TMPRSS11D: variants seen among roughly 807,000 people sequenced by gnomAD.
The protein encoded by TMPRSS11D is transmembrane protease serine 11D.
A neutral mutation model predicts 44.4 loss-of-function variants in TMPRSS11D; 32 were observed. The ratio of observed to expected loss-of-function variants is 0.72; its 90% CI spans 0.54 to 0.97. The LOEUF is 0.97. Ranked by LOEUF, TMPRSS11D falls within the 50% of genes least tolerant of loss-of-function variation. TMPRSS11D has a pLI of 0.00. For synonymous variants in TMPRSS11D, 179 were observed against 177.9 expected (o/e 1.01, Z -0.05); for missense variants, 446 against 502.6 (o/e 0.89, Z 1.08).
intron 5 of TMPRSS11D, among the ~76,000 whole-genome samples, chr4:67,835,858 T>C (rs1412718079): frequency 6.6e-6 from 1 of 152,022 alleles, no homozygotes; most frequent in African/African-American, 2.4e-5. Flanking sequence ...TAAGGAGAGC[T>C]AGTGCATGTG....
At chr4:67,839,220 C>A (rs1262703989) in intron 4 of TMPRSS11D, among the ~76,000 whole-genome samples, 1 of 152,118 alleles carries the variant, frequency 6.6e-6, no homozygotes, top group Admixed American at 6.6e-5. Flanking sequence ...GTGCTAGGCA[C>A]TATTCTAAGC....
chr4:67,842,436 A>G, intron 4 of TMPRSS11D, 122 bp downstream of exon 4: 1 of 918,278 alleles, frequency 1.1e-6, no homozygotes, highest in Non-Finnish European at 1.7e-6. Flanking sequence ...TGACTAAAAT[A>G]CTATTTTCAT....
chr4:67,849,626 A>C (rs1166842818), intron 3 of TMPRSS11D, among the ~76,000 whole-genome samples: 1 of 152,222 alleles, frequency 6.6e-6, no homozygotes, highest in African/African-American at 2.4e-5. Context: ...TTGTGTAAGA[A>C]TGTACTATAG....
chr4:67,863,642 G>A (rs1342943623), intron 1 of TMPRSS11D, among the ~76,000 whole-genome samples: 1 of 152,092 alleles, frequency 6.6e-6, no homozygotes, highest in Non-Finnish European at 1.5e-5. Flanking sequence ...CTAGACTAGA[G>A]CTAGGAGATG....
chr4:67,845,338 A>G (rs1158735426), intron 3 of TMPRSS11D, among the ~76,000 whole-genome samples: 4 of 152,218 alleles, frequency 2.6e-5, no homozygotes, highest in Non-Finnish European at 4.4e-5. Context: ...GAGATGCTTG[A>G]AGAGTATTCT....
chr4:67,854,314 T>C, intron 2 of TMPRSS11D, 128 bp from the exon 3 acceptor site: 1 of 525,870 alleles, frequency 1.9e-6, no homozygotes, highest in Non-Finnish European at 3.3e-6. Context: ...GAAAAAGTTC[T>C]ATGCTTCAGT....
intron 1 of TMPRSS11D, among the ~76,000 whole-genome samples, chr4:67,864,428 C>T (rs2218206): frequency 0.28 from 42,675 of 151,790 alleles, 7,357 homozygotes; most frequent in East Asian, 0.53. Flanking sequence ...AAGATCGATA[C>T]TCACCTATCA....
At chr4:67,826,036 C>T (rs1717784538) in intron 8 of TMPRSS11D, among the ~76,000 whole-genome samples, 162 bp from the exon 9 acceptor site, 1 of 152,002 alleles carries the variant, frequency 6.6e-6, no homozygotes. Context: ...GCCAAAATTC[C>T]CCAAGTAGAT....
At chr4:67,859,472 A>G in intron 2 of TMPRSS11D, 85 bp downstream of exon 2, 1 of 1,445,788 alleles carries the variant, frequency 6.9e-7, no homozygotes, top group Non-Finnish European at 9.4e-7. Context: ...AATAAAAGCC[A>G]TAGTAAAAGA....
At position 67,854,085 on chromosome 4, in the gene TMPRSS11D, C is replaced by T. The variant is rs1297891540; in HGVS notation, c.232G>A (p.Gly78Arg). The change falls in exon 3 of 10, where the codon GGA (glycine) becomes AGA (arginine). Residue 78 changes from glycine (G) to arginine (R), a missense_variant. Gly to Arg is a moderately radical substitution (Grantham distance 125). Transcript: ENST00000283916. ...TAACTTACCAGAGATTCAATTCTTC[C>T]ACTCAAAGTCCTGTATTCCTGTGTA... ...PATQEYRTLS[G>R]RIESLITKTF... The T allele has an allele frequency of 6.4e-7, 1 of 1,560,318 alleles. No individual in the cohort carries two copies. Among genetic ancestry groups the T allele is most frequent in the Non-Finnish European group, 8.7e-7 (1 of 1,152,418 alleles).
intron 3 of TMPRSS11D, among the ~76,000 whole-genome samples, chr4:67,852,078 T>C (rs1168928786): frequency 2.0e-5 from 3 of 152,202 alleles, no homozygotes; most frequent in Non-Finnish European, 2.9e-5. Flanking sequence ...AACAGCACTG[T>C]AGTTTGACTA....
chr4:67,854,838 AAAG>A (rs1299585353), intron 2 of TMPRSS11D, among the ~76,000 whole-genome samples: 1 of 152,244 alleles, frequency 6.6e-6, no homozygotes, highest in African/African-American at 2.4e-5. Context: ...CCAAACCTTA[AAAG>A]AAGAACTAAC....
In TMPRSS11D at chr4:67,847,068, C is replaced by T. The variant is rs554628553; in HGVS notation, c.250-4443G>A. Among the ~76,000 whole-genome samples the T allele has an allele frequency of 2.0e-3, 308 of 152,186 alleles. 1 individual carries two copies. Among genetic ancestry groups the T allele is most frequent in the African/African-American group, 5.5e-3 (227 of 41,532 alleles). ...TACAAGCATCCACCATCATCCCTGGCTAATTTTTGTATTTTTGTAGAGATG... is the reference window on the plus strand; with the variant it reads ...TACAAGCATCCACCATCATCCCTGGTTAATTTTTGTATTTTTGTAGAGATG... On this transcript the variant is annotated intron_variant, in intron 3 of 9. Coordinates refer to ENST00000283916, the MANE Select transcript of TMPRSS11D (RefSeq NM_004262.3).
At chr4:67,876,494 CATGAT>C in intron 1 of TMPRSS11D, among the ~76,000 whole-genome samples, 1 of 152,128 alleles carries the variant, frequency 6.6e-6, no homozygotes, top group South Asian at 2.1e-4. Context: ...AGGTGTACGA[CATGAT>C]ATATTTTTAT....
At chr4:67,851,233 G>A (rs1718501135) in intron 3 of TMPRSS11D, among the ~76,000 whole-genome samples, 1 of 152,112 alleles carries the variant, frequency 6.6e-6, no homozygotes, top group South Asian at 2.1e-4. Flanking sequence ...TTAGATGGTG[G>A]GTCCAGAGTC....
intron 1 of TMPRSS11D, among the ~76,000 whole-genome samples, chr4:67,875,748 T>C (rs1438247546): frequency 6.6e-6 from 1 of 152,252 alleles, no homozygotes; most frequent in African/African-American, 2.4e-5. Context: ...CCCACCTCCT[T>C]GTTATGAGTC....
chr4:67,835,291 G>A (rs1291599814), intron 5 of TMPRSS11D, among the ~76,000 whole-genome samples, 170 bp from the exon 6 acceptor site: 3 of 152,046 alleles, frequency 2.0e-5, no homozygotes, highest in Non-Finnish European at 2.9e-5. Flanking sequence ...CTGCTGAAAC[G>A]ATCTCTAACT....
At chr4:67,838,693 GAA>G (rs1464765059) in intron 4 of TMPRSS11D, among the ~76,000 whole-genome samples, 1 of 152,052 alleles carries the variant, frequency 6.6e-6, no homozygotes, top group African/African-American at 2.4e-5. Flanking sequence ...AAACTTCAAA[GAA>G]GAGTCAATAG....
chr4:67,880,119 C>T (rs928083449), intron 1 of TMPRSS11D, among the ~76,000 whole-genome samples: 1 of 152,110 alleles, frequency 6.6e-6, no homozygotes, highest in African/African-American at 2.4e-5. Flanking sequence ...ATTAAGATAC[C>T]ATGCCACGTA....
Sources: allele counts gnomAD v4.1 joint callset (sites outside exome capture counted in the v4.1 genomes callset), GRCh38; gene constraint gnomAD v4.1.1; transcripts MANE v1.5; gene names NCBI Gene and HGNC (gene_info 2026-07-23, HGNC 2026-07-21).